Variants in TAB3 observed in about 807,000 individuals in gnomAD.
TAB3 encodes TGF-beta-activated kinase 1 and MAP3K7-binding protein 3.
A neutral mutation model predicts 48.1 loss-of-function variants in TAB3; 18 were observed. That is an observed-to-expected ratio of 0.37 (90% CI 0.26 to 0.55). The LOEUF is 0.55. Ranked by LOEUF, TAB3 falls within the 20% of genes least tolerant of loss-of-function variation. TAB3 has a pLI of 0.78. For missense variants in TAB3, 414 were observed against 549.8 expected, an observed-to-expected ratio of 0.75 and a Z score of 2.47; for synonymous variants, 185 against 190.2, an observed-to-expected ratio of 0.97 and a Z score of 0.22.
In TAB3 at chrX:30,831,121, AACAATTGGGATT is replaced by A; in HGVS notation, c.*294_*305del. ...ATAAGGGCCACTCAGCAGTAACTTT[AACAATTGGGATT>A]CCACCACAGAAGAGCTCTTGACTTC... is the stretch of plus-strand genomic sequence containing the variant. On this transcript the variant is annotated 3_prime_UTR_variant, in exon 11 of 11. Transcript: ENST00000288422. 4.6e-6 allele frequency: 1 copy of A among 216,783 alleles called. No individual in the cohort carries two copies. Among genetic ancestry groups the A allele is most frequent in the Non-Finnish European group, 8.3e-6 (1 of 120,057 alleles). 17.9% of individuals were successfully genotyped at this position (216,783 alleles called of 1,213,427 possible). A position where few individuals can be genotyped will look rare whatever the true frequency, so the allele number is the denominator to read the frequency against.
intron 2 of TAB3, among the ~76,000 whole-genome samples, chrX:30,868,607 AGAGAGAGAGAGC>A (rs1939569045): frequency 1.4e-5 from 1 of 73,655 alleles, no homozygotes; most frequent in African/African-American, 5.3e-5. Context: ...AGAGAGAGAG[AGAGAGAGAGAGC>A]GCGTGGGGGG....
chrX:30,876,370 C>G (rs1414086185), intron 1 of TAB3, among the ~76,000 whole-genome samples: 1 of 112,165 alleles, frequency 8.9e-6, no homozygotes, highest in East Asian at 2.8e-4. Context: ...ATAAGATGAC[C>G]AGAAGAGACT....
intron 7 of TAB3, among the ~76,000 whole-genome samples, chrX:30,847,466 A>G (rs1938666251): frequency 1.9e-5 from 2 of 107,604 alleles, no homozygotes; most frequent in South Asian, 7.8e-4. Flanking sequence ...TTTACTTCCC[A>G]TGTCATCCTT....
At chrX:30,864,805 T>TG (rs57473665) in intron 4 of TAB3, among the ~76,000 whole-genome samples, 3,860 of 93,455 alleles carry the variant, frequency 0.041, 144 homozygotes, top group African/African-American at 0.11. Context: ...GTGTGTGTGT[T>TG]TTTTTTTTAA....
chrX:30,867,833 C>T (rs1034873591), intron 2 of TAB3, among the ~76,000 whole-genome samples: 2 of 111,120 alleles, frequency 1.8e-5, no homozygotes, highest in African/African-American at 6.5e-5. Flanking sequence ...CTTAAGTCAA[C>T]ACCTGGTTCT....
At chrX:30,870,150 T>C in intron 2 of TAB3, among the ~76,000 whole-genome samples, 1 of 112,560 alleles carries the variant, frequency 8.9e-6, no homozygotes, top group Admixed American at 9.4e-5. Context: ...TGAAATGACT[T>C]AACTCTTCAC....
At chrX:30,875,859 C>T (rs978392877) in intron 1 of TAB3, among the ~76,000 whole-genome samples, 8 of 112,047 alleles carry the variant, frequency 7.1e-5, no homozygotes, top group Admixed American at 6.6e-4. Flanking sequence ...AAAGCTTAAA[C>T]AGAACTAGGG....
At chrX:30,887,818 G>A (rs975864921) in intron 1 of TAB3, among the ~76,000 whole-genome samples, 6 of 112,412 alleles carry the variant, frequency 5.3e-5, no homozygotes, top group Non-Finnish European at 7.5e-5. Context: ...TGCAGATTAT[G>A]TTCTTTCAGA....
At chrX:30,869,497 A>C in intron 2 of TAB3, among the ~76,000 whole-genome samples, 1 of 112,457 alleles carries the variant, frequency 8.9e-6, no homozygotes, top group Non-Finnish European at 1.9e-5. Flanking sequence ...TTAACTTTTT[A>C]TTCTCCTCTA....
intron 9 of TAB3, among the ~76,000 whole-genome samples, chrX:30,838,015 T>C (rs1489260959): frequency 1.8e-5 from 2 of 112,532 alleles, no homozygotes; most frequent in African/African-American, 3.2e-5. Flanking sequence ...CTCCCTATTC[T>C]GTTCCAGTGA....
At chrX:30,833,883 T>G (rs1467168329) in intron 10 of TAB3, among the ~76,000 whole-genome samples, 168 bp downstream of exon 10, 1 of 110,702 alleles carries the variant, frequency 9.0e-6, no homozygotes, top group Non-Finnish European at 1.9e-5. Flanking sequence ...TAGAAAATTT[T>G]AAATTGTATA....
In TAB3 at chrX:30,843,170, A is replaced by G. The variant is rs1938510877; in HGVS notation, c.1805-121T>C. 3 of 442,974 alleles carry G rather than the reference A, an allele frequency of 6.8e-6. No homozygotes were observed. The African/African-American group carries it at 7.5e-5, about 11-fold the overall frequency. The allele number at this position is 442,974 out of a possible 1,213,427, so 36.5% of individuals were successfully genotyped here. ...AGGGAAAAATGTTTTCCAGGATTTC[A>G]AAATTCATTACATAATTCTGTCCTC... On this transcript the variant is annotated intron_variant, in intron 8 of 10. Coordinates refer to ENST00000288422, the MANE Select transcript of TAB3 (RefSeq NM_152787.5).
chrX:30,836,039 A>G (rs1364481477), intron 9 of TAB3: 1 of 112,303 alleles, frequency 8.9e-6, no homozygotes, highest in African/African-American at 3.2e-5. Context: ...TTTCAAATAC[A>G]ATATGAGAAT....
chrX:30,888,951 G>C (rs1433334229), intron 1 of TAB3, among the ~76,000 whole-genome samples, 163 bp downstream of exon 1: 1 of 113,182 alleles, frequency 8.8e-6, no homozygotes, highest in African/African-American at 3.2e-5. Flanking sequence ...CGGCAGCCCC[G>C]CAGTTCCCGC....
At chrX:30,848,473 G>C (rs771354624) in intron 7 of TAB3, among the ~76,000 whole-genome samples, 5 of 111,690 alleles carry the variant, frequency 4.5e-5, no homozygotes, top group Non-Finnish European at 9.4e-5. Flanking sequence ...AGTGAGCCCA[G>C]ATTGCACCAC....
At chrX:30,873,304 G>A (rs1024188085) in intron 1 of TAB3, among the ~76,000 whole-genome samples, 1 of 109,430 alleles carries the variant, frequency 9.1e-6, no homozygotes, top group African/African-American at 3.3e-5. Flanking sequence ...TTGGGAGGCC[G>A]AGGCGGGCGG....
intron 9 of TAB3, among the ~76,000 whole-genome samples, chrX:30,839,273 C>T (rs1938338027): frequency 8.9e-6 from 1 of 111,862 alleles, no homozygotes; most frequent in African/African-American, 3.2e-5. Flanking sequence ...CTTTTCCTCC[C>T]TTTGTTTAAT....
chrX:30,852,632 C>A, intron 7 of TAB3, 146 bp downstream of exon 7: 1 of 556,248 alleles, frequency 1.8e-6, no homozygotes, highest in Non-Finnish European at 2.7e-6. Context: ...GGCAAAAGTC[C>A]TTCATCTGTT....
chrX:30,831,634 G>T, intron 10 of TAB3, 59 bp from the exon 11 acceptor site: 1 of 1,112,795 alleles, frequency 9.0e-7, no homozygotes, highest in Non-Finnish European at 1.2e-6. Flanking sequence ...CTTTTTCCAA[G>T]TATAATCCAA....
Sources: allele counts gnomAD v4.1 joint callset (sites outside exome capture counted in the v4.1 genomes callset), GRCh38; gene constraint gnomAD v4.1.1; transcripts MANE v1.5; gene names NCBI Gene and HGNC (gene_info 2026-07-23, HGNC 2026-07-21).